SOS1: variants seen among roughly 807,000 people sequenced by gnomAD.
SOS1 encodes the protein son of sevenless homolog 1.
In SOS1, 25 loss-of-function variants were observed where a neutral mutation model predicts 157.6. That is an observed-to-expected ratio of 0.16 (90% CI 0.12 to 0.22). SOS1 has a LOEUF of 0.22. Among genes scored for constraint, SOS1 ranks in the 10% least tolerant of loss-of-function variants. The probability of loss-of-function intolerance (pLI) is 1.00; values close to 1 mark genes in which losing one functional copy is unlikely to be tolerated. For missense variants in SOS1, 1,237 were observed against 1,599.1 expected, an observed-to-expected ratio of 0.77 and a Z score of 3.86; for synonymous variants, 528 against 534.0, an observed-to-expected ratio of 0.99 and a Z score of 0.16.
At chr2:39,068,185 T>C (rs539064131) in intron 1 of SOS1, among the ~76,000 whole-genome samples, 1 of 152,334 alleles carries the variant, frequency 6.6e-6, no homozygotes, top group African/African-American at 2.4e-5. Context: ...TGAATGATAC[T>C]GACCTAGAAG....
rs574938269 is a variant in SOS1 at position 38,991,129 on chromosome 2, A to T, written c.3347-1815T>A. ...ACATATTTTTTTTAAGCTCCTCAAC[A>T]GATGATACTATACAGTCAGGGTTGA... On this transcript the variant is annotated intron_variant, in intron 20 of 22. Coordinates refer to ENST00000402219, the MANE Select transcript of SOS1 (RefSeq NM_005633.4). 1.0e-3 allele frequency among the ~76,000 whole-genome samples: 154 copies of T among 152,082 alleles called. 1 individual carries two copies. Among genetic ancestry groups the T allele is most frequent in the Non-Finnish European group, 4.1e-4 (28 of 67,984 alleles).
intron 1 of SOS1, among the ~76,000 whole-genome samples, chr2:39,076,363 C>T (rs111273536): frequency 1.3e-5 from 2 of 151,918 alleles, no homozygotes; most frequent in Admixed American, 6.6e-5. Context: ...TCAACCACTG[C>T]ACTCCAGCCT....
At chr2:39,026,963 T>A (rs1368562784) in intron 8 of SOS1, among the ~76,000 whole-genome samples, 4 of 152,178 alleles carry the variant, frequency 2.6e-5, no homozygotes, top group Admixed American at 2.6e-4. Flanking sequence ...TTAAGGCAAA[T>A]TTAATGAAAG....
At chr2:39,106,424 A>C (rs1673185902) in intron 1 of SOS1, among the ~76,000 whole-genome samples, 3 of 151,490 alleles carry the variant, frequency 2.0e-5, no homozygotes, top group Non-Finnish European at 2.9e-5. Flanking sequence ...CCCCGTCTCT[A>C]CTAAAAATAC....
At chr2:39,061,988 G>T (rs115970197) in intron 2 of SOS1, among the ~76,000 whole-genome samples, 3 of 79,488 alleles carry the variant, frequency 3.8e-5, no homozygotes, top group Non-Finnish European at 6.7e-5. Flanking sequence ...TCTTACATAT[G>T]TACTTCAGTT....
intron 17 of SOS1, among the ~76,000 whole-genome samples, chr2:39,000,549 G>T (rs1323307278): frequency 1.3e-5 from 2 of 152,106 alleles, no homozygotes; most frequent in African/African-American, 4.8e-5. Flanking sequence ...AGAGCATTAT[G>T]ACAAAGAAGA....
intron 17 of SOS1, among the ~76,000 whole-genome samples, chr2:38,999,256 T>C (rs1669007911): frequency 6.6e-6 from 1 of 152,180 alleles, no homozygotes; most frequent in Admixed American, 6.5e-5. Context: ...GATAATTTGC[T>C]CTTTAGTATG....
chr2:39,025,267 T>C (rs1478465489), intron 8 of SOS1, among the ~76,000 whole-genome samples: 1 of 152,170 alleles, frequency 6.6e-6, no homozygotes, highest in Non-Finnish European at 1.5e-5. Context: ...TCCAACAATT[T>C]AGGAATACCT....
At chr2:39,085,047 G>C (rs1672325058) in intron 1 of SOS1, among the ~76,000 whole-genome samples, 1 of 151,714 alleles carries the variant, frequency 6.6e-6, no homozygotes, top group Admixed American at 6.6e-5. Flanking sequence ...ATTTTTATTT[G>C]TATTTATTTA....
intron 2 of SOS1, among the ~76,000 whole-genome samples, chr2:39,062,862 T>A (rs1671457876): frequency 6.6e-6 from 1 of 151,980 alleles, no homozygotes; most frequent in Non-Finnish European, 1.5e-5. Context: ...GAAAATTATA[T>A]TTATTATAAA....
chr2:39,068,489 G>A (rs1044769671), intron 1 of SOS1, among the ~76,000 whole-genome samples: 1 of 152,116 alleles, frequency 6.6e-6, no homozygotes. Context: ...AATCCAGGAG[G>A]GGCATGTCTC....
chr2:39,099,662 T>C (rs1286610905), intron 1 of SOS1, among the ~76,000 whole-genome samples: 1 of 152,162 alleles, frequency 6.6e-6, no homozygotes, highest in Non-Finnish European at 1.5e-5. Context: ...ACTAAAAAGC[T>C]TCTGCACAGC....
rs536386931 is a variant in SOS1 at position 39,035,366 on chromosome 2, A to G, written c.975+24T>C. On this transcript the variant is annotated intron_variant, in intron 7 of 22. Coordinates refer to ENST00000402219, the MANE Select transcript of SOS1 (RefSeq NM_005633.4). ...TAAGTTTACTTTTCAGACATTGTAC[A>G]TCTTCATTTAAAAATTACTATACCT... 2.5e-6 allele frequency: 4 copies of G among 1,601,018 alleles called. No homozygotes were observed. In the South Asian group the frequency reaches 3.3e-5, roughly 13 times the overall value.
intron 6 of SOS1, among the ~76,000 whole-genome samples, chr2:39,049,198 G>A (rs910890148): frequency 3.3e-5 from 5 of 152,270 alleles, no homozygotes; most frequent in Admixed American, 6.5e-5. Context: ...GATTACAGGC[G>A]TGAGCCACCA....
chr2:39,054,535 CT>C, intron 5 of SOS1, 78 bp downstream of exon 5: 1 of 816,310 alleles, frequency 1.2e-6, no homozygotes, highest in South Asian at 1.5e-5. Context: ...TAATGATGAA[CT>C]GTACAACTTC....
At chr2:39,041,385 G>C (rs866670352) in intron 6 of SOS1, among the ~76,000 whole-genome samples, 1 of 152,118 alleles carries the variant, frequency 6.6e-6, no homozygotes, top group Non-Finnish European at 1.5e-5. Context: ...CAAATCCTTT[G>C]CCCATTTTTA....
upstream of SOS1, among the ~76,000 whole-genome samples, chr2:39,123,311 G>A (rs1305092497): frequency 2.7e-5 from 4 of 150,234 alleles, no homozygotes; most frequent in East Asian, 7.7e-4. Context: ...TTTCCCTCCT[G>A]CCCCCAAATA....
intron 1 of SOS1, among the ~76,000 whole-genome samples, chr2:39,078,990 G>A (rs1672110255): frequency 6.9e-6 from 1 of 145,018 alleles, no homozygotes; most frequent in Non-Finnish European, 1.5e-5. Context: ...AACCTGGGAG[G>A]TGAAGGTTGC....
chr2:39,115,918 T>C (rs1468191740), intron 1 of SOS1, among the ~76,000 whole-genome samples: 1 of 152,184 alleles, frequency 6.6e-6, no homozygotes, highest in Non-Finnish European at 1.5e-5. Flanking sequence ...CTTACACATC[T>C]AGAAGTTCCA....
Sources: gnomAD v4.1 joint callset for allele counts (sites outside exome capture counted in the v4.1 genomes callset) on GRCh38, gnomAD v4.1.1 for gene constraint, MANE v1.5 for transcripts, NCBI Gene and HGNC (gene_info 2026-07-23, HGNC 2026-07-21) for gene names.